The following TRIOBP variants were observed in gnomAD, a reference collection of about 807,000 sequenced individuals.
The protein encoded by TRIOBP is TRIO and F-actin-binding protein.
A neutral mutation model predicts 238.8 loss-of-function variants in TRIOBP; 169 were observed. The ratio of observed to expected loss-of-function variants is 0.71; its 90% CI spans 0.62 to 0.80. The LOEUF (loss-of-function observed/expected upper bound fraction) is 0.80, where lower values mean the gene tolerates loss of function less well. TRIOBP is among the 30% of genes least tolerant of loss of function. The probability of loss-of-function intolerance (pLI) is 0.00; values close to 1 mark genes in which losing one functional copy is unlikely to be tolerated. For missense variants in TRIOBP, 2,838 were observed against 3,122.6 expected (o/e 0.91, Z 2.17); for synonymous variants, 1,150 against 1,274.4 (o/e 0.90, Z 2.08).
intron 7 of TRIOBP, among the ~76,000 whole-genome samples, chr22:37,727,536 C>T (rs1442255401): frequency 2.0e-5 from 3 of 151,954 alleles, no homozygotes; most frequent in East Asian, 1.9e-4. Flanking sequence ...GGCATGGTGG[C>T]GGGCGCCTGT....
chr22:37,769,328 G>A lies in TRIOBP; in HGVS notation c.6802G>A (p.Gly2268Ser). The A allele has an allele frequency of 6.2e-7, 1 of 1,611,648 alleles. No individual in the cohort carries two copies. The highest frequency in any genetic ancestry group is 8.5e-7 in the Non-Finnish European group (1 of 1,179,444). ...LRGFIASQGM[G>S]NGCGRSNERS... Reference sequence around the variant, plus strand: ...CGGCTTCATTGCCTCGCAGGGCATGGGCAATGGCTGCGGGCGCAGCAACGA... The same window carrying A: ...CGGCTTCATTGCCTCGCAGGGCATGAGCAATGGCTGCGGGCGCAGCAACGA... The change falls in exon 21 of 24, where the codon GGC becomes AGC. Residue 2268 changes from glycine (G) to serine (S), a missense_variant. By Grantham distance (56) the Gly-to-Ser change is moderately conservative. Around this residue, in one of 5 missense-constraint regions of TRIOBP, gnomAD observed 2,096 missense variants for 2,137.4 expected, o/e 0.98. Transcript: ENST00000644935.
intron 23 of TRIOBP, among the ~76,000 whole-genome samples, 172 bp from the exon 24 acceptor site, chr22:37,773,589 TGGACTTCCTATGGCATGCAGGA>T (rs1926889639): frequency 1.3e-5 from 2 of 152,266 alleles, no homozygotes; most frequent in South Asian, 2.1e-4. Context: ...TAAGTCCTCA[TGGACTTCCTATGGCATGCAGGA>T]GAGGCCACCC....
At chr22:37,759,811 C>T (rs769946042) in intron 17 of TRIOBP, 1 of 1,314,598 alleles carries the variant, frequency 7.6e-7, no homozygotes, top group Non-Finnish European at 9.8e-7. Flanking sequence ...TCTGGGAATA[C>T]TTCTGGTTGT....
At chr22:37,757,144 G>A (rs1396269168) in intron 15 of TRIOBP, among the ~76,000 whole-genome samples, 2 of 152,112 alleles carry the variant, frequency 1.3e-5, no homozygotes, top group Non-Finnish European at 2.9e-5. Flanking sequence ...GGAGGAGCAC[G>A]TGAGCCCAGG....
At chr22:37,703,310 A>G (rs1261547232) in intron 3 of TRIOBP, among the ~76,000 whole-genome samples, 9 of 151,140 alleles carry the variant, frequency 6.0e-5, no homozygotes, top group Non-Finnish European at 1.3e-4. Context: ...TTCTTCTTCA[A>G]GTTATTGAAG....
Position 37,757,952 on chromosome 22 carries a change from C to G in TRIOBP, c.6027C>G (p.Gly2009=). ...CTGCTGGTGAGGGGCCGCGCCGGGG[C>G]CTGGGTGCCCCCCTGACTGAGGACC... is the stretch of plus-strand genomic sequence containing the variant. ...EVPAGEGPRR[G]LGAPLTEDQQ... is the part of the protein sequence containing the mutation. The change falls in exon 16 of 24, where the codon GGC becomes GGG. Residue 2009 remains glycine, a synonymous_variant. Coordinates refer to ENST00000644935, the MANE Select transcript of TRIOBP (RefSeq NM_001039141.3). 6 of 1,565,534 alleles carry G rather than the reference C, an allele frequency of 3.8e-6. No homozygotes were observed. The highest frequency in any genetic ancestry group is 5.2e-6 in the Non-Finnish European group (6 of 1,156,036).
chr22:37,713,008 C>CA (rs1232130357), intron 4 of TRIOBP, among the ~76,000 whole-genome samples: 89 of 141,298 alleles, frequency 6.3e-4, no homozygotes, highest in Admixed American at 1.3e-3. Flanking sequence ...AATAAAATTA[C>CA]AAAAAAAAAA....
At chr22:37,755,275 A>C in intron 14 of TRIOBP, 85 bp downstream of exon 14, 9 of 1,350,854 alleles carry the variant, frequency 6.7e-6, no homozygotes, top group South Asian at 2.5e-5. Flanking sequence ...AACATGGCTC[A>C]CCATGGAGAC....
chr22:37,749,134 C>T (rs1245307380), intron 11 of TRIOBP, among the ~76,000 whole-genome samples: 1 of 151,980 alleles, frequency 6.6e-6, no homozygotes, highest in Non-Finnish European at 1.5e-5. Flanking sequence ...GTGGATGGAT[C>T]ACTTGAGGTC....
In TRIOBP at chr22:37,768,017, A is replaced by C. The variant is rs1355844806; in HGVS notation, c.6473-57A>C. ...CATGTGGCGTCTCAGAGCTGGTGGC[A>C]CTTGGTGCTGCTGACCCCCCTCCAG... On this transcript the variant is annotated intron_variant, in intron 18 of 23. Transcript: ENST00000644935. 3 of 1,406,378 alleles carry C rather than the reference A, an allele frequency of 2.1e-6. No individual in the cohort carries two copies. The African/African-American group carries it at 4.2e-5, about 20-fold the overall frequency. 87.1% of individuals were successfully genotyped at this position (1,406,378 alleles called of 1,614,324 possible).
rs560619122 is a variant in TRIOBP, at chr22:37,726,311, C to T, written c.3755C>T (p.Ser1252Phe). The T allele has an allele frequency of 1.6e-5, 26 of 1,612,786 alleles. No homozygotes were observed. The highest frequency in any genetic ancestry group is 1.7e-4 in the Middle Eastern group (1 of 6,058). Residue 1252 changes from serine (S) to phenylalanine (F), a missense_variant, in exon 7 of 24, where the codon TCC becomes TTC. By Grantham distance (155) the Ser-to-Phe change is radical (BLOSUM62 -2). This residue lies in a region of TRIOBP where 2,096 missense variants were observed against 2,137.4 expected (regional missense o/e 0.98). Coordinates refer to ENST00000644935, the MANE Select transcript of TRIOBP (RefSeq NM_001039141.3). ...PSPSPGSSGG[S>F]RGSAPPGETR... ...CCTTCACCGGGCAGCTCTGGGGGCT[C>T]CCGGGGCTCAGCGCCTCCCGGGGAG...
chr22:37,735,034 C>T lies in TRIOBP; in HGVS notation c.4698C>T (p.Leu1566=). The T allele has an allele frequency of 6.2e-7, 1 of 1,608,920 alleles. No individual in the cohort carries two copies. Among genetic ancestry groups the T allele is most frequent in the Non-Finnish European group, 8.5e-7 (1 of 1,176,492 alleles). Residue 1566 remains leucine, a synonymous_variant, in exon 9 of 24, where the codon CTC becomes CTT. Transcript: ENST00000644935. ...ACTGGAGGGATCTGCTTGGCCTTCT[C>T]CGGGCACCAGGAGAGGGGGTCTGGG... is the stretch of plus-strand genomic sequence containing the variant. ...ELDWRDLLGL[L]RAPGEGVWAR...
chr22:37,699,066 A>C (rs968770550), intron 2 of TRIOBP, among the ~76,000 whole-genome samples: 1 of 152,014 alleles, frequency 6.6e-6, no homozygotes, highest in Non-Finnish European at 1.5e-5. Flanking sequence ...GCTTGAACCC[A>C]GGAGGCGGAG....
rs1335633910 is a variant in TRIOBP, at chr22:37,741,072, A to T, written c.5322+40A>T. ...GTGGGGACTGGAGGGGTGAGGGTGGATAGAGACGGGGATGGGAGGGAGGAG... is the reference window on the plus strand; with the variant it reads ...GTGGGGACTGGAGGGGTGAGGGTGGTTAGAGACGGGGATGGGAGGGAGGAG... On this transcript the variant is annotated intron_variant, in intron 11 of 23. Transcript: ENST00000644935. The T allele has an allele frequency of 4.5e-6, 7 of 1,551,318 alleles. 1 individual carries two copies. The highest frequency in any genetic ancestry group is 6.1e-6 in the Non-Finnish European group (7 of 1,147,114).
chr22:37,699,640 C>T (rs1922541932), intron 2 of TRIOBP, among the ~76,000 whole-genome samples: 3 of 152,008 alleles, frequency 2.0e-5, no homozygotes, highest in African/African-American at 7.3e-5. Flanking sequence ...CTCCTGGGTT[C>T]AAGTGATTCT....
In TRIOBP at chr22:37,723,401, A is replaced by C; in HGVS notation, c.845A>C (p.His282Pro). 1 of 1,612,492 alleles carries C rather than the reference A, an allele frequency of 6.2e-7. No homozygotes were observed. The highest frequency in any genetic ancestry group is 8.5e-7 in the Non-Finnish European group (1 of 1,179,502). Residue 282 changes from histidine to proline, a missense_variant, in exon 7 of 24, where the codon CAT becomes CCT. Transcript: ENST00000644935. ...GAAATCCCCAGAGCCTCCTCTCCCCATCGAATCACCCAAAGGGACACCTCC... is the reference window on the plus strand; with the variant it reads ...GAAATCCCCAGAGCCTCCTCTCCCCCTCGAATCACCCAAAGGGACACCTCC... ...TREIPRASSPHRITQRDTSRA... is the reference protein window; with the variant it reads ...TREIPRASSPPRITQRDTSRA...
At chr22:37,743,023 G>A (rs902330988) in intron 11 of TRIOBP, among the ~76,000 whole-genome samples, 9 of 152,106 alleles carry the variant, frequency 5.9e-5, no homozygotes, top group African/African-American at 1.4e-4. Context: ...CTTCCAACAC[G>A]CCCCCTACAC....
intron 3 of TRIOBP, among the ~76,000 whole-genome samples, chr22:37,707,249 C>T (rs1922993082): frequency 6.6e-6 from 1 of 152,086 alleles, no homozygotes; most frequent in Non-Finnish European, 1.5e-5. Flanking sequence ...GCACTCCAGC[C>T]TGGGCGACAA....
chr22:37,760,970 C>CAAA (rs1011701001), intron 17 of TRIOBP, among the ~76,000 whole-genome samples: 1 of 108,338 alleles, frequency 9.2e-6, no homozygotes, highest in Non-Finnish European at 1.9e-5. Context: ...GACTCCATCT[C>CAAA]AAAAAAAAAA....
Sources: gnomAD v4.1 joint callset for allele counts (sites outside exome capture counted in the v4.1 genomes callset) on GRCh38, gnomAD v4.1.1 for gene constraint, gnomAD v4.1.1 regional missense constraint, MANE v1.5 for transcripts, NCBI Gene and HGNC (gene_info 2026-07-23, HGNC 2026-07-21) for gene names.